LPP: variants seen among roughly 807,000 people sequenced by gnomAD.
The protein encoded by LPP is LIM domain containing preferred translocation partner in lipoma.
A neutral mutation model predicts 60.4 loss-of-function variants in LPP; 38 were observed. That is an observed-to-expected ratio of 0.63 (90% CI 0.49 to 0.83). LPP has a LOEUF of 0.83. LPP is among the 40% of genes least tolerant of loss of function. The pLI is 0.00. For missense variants in LPP, 902 were observed against 783.6 expected (o/e 1.15, Z -1.80); for synonymous variants, 328 against 290.8 (o/e 1.13, Z -1.30).
Position 188,807,495 on chromosome 3 carries a change from A to G in LPP, c.1410+47213A>G, listed in dbSNP as rs532799669. 1.1e-4 allele frequency among the ~76,000 whole-genome samples: 17 copies of G among 151,568 alleles called. No homozygotes were observed. The South Asian group carries it at 3.3e-3, about 30-fold the overall frequency. On this transcript the variant is annotated intron_variant, in intron 9 of 11. Coordinates refer to ENST00000617246, the MANE Select transcript of LPP (RefSeq NM_001375462.1). ...TCATTCTTTTATATTTTCTCTTTGG[A>G]GTTCTAACTACATACAGGCTTAATA...
chr3:188,202,718 T>C (rs933988896), intron 1 of LPP, among the ~76,000 whole-genome samples: 1 of 152,148 alleles, frequency 6.6e-6, no homozygotes, highest in Admixed American at 6.5e-5. Context: ...TTCCTTCTTT[T>C]TGGATGGGCT....
chr3:188,441,652 G>A lies in LPP; in HGVS notation c.193+35339G>A, dbSNP rs1223279629. 5.9e-4 allele frequency among the ~76,000 whole-genome samples: 43 copies of A among 72,776 alleles called. 1 individual carries two copies. In the Admixed American group the frequency reaches 8.1e-3, roughly 14 times the overall value. 47.7% of individuals were successfully genotyped at this position (72,776 alleles called of 152,430 possible). A position where few individuals can be genotyped will look rare whatever the true frequency, so the allele number is the denominator to read the frequency against. On this transcript the variant is annotated intron_variant, in intron 4 of 11. Transcript: ENST00000617246. ...TTTTTTTTTTTTGAGATGGAGTCTC[G>A]CTCTGTCGCCCAGGCTGGAGTGCAG... is the stretch of plus-strand genomic sequence containing the variant.
intron 4 of LPP, among the ~76,000 whole-genome samples, chr3:188,432,427 C>T (rs1423018173): frequency 1.3e-5 from 2 of 152,090 alleles, no homozygotes; most frequent in Non-Finnish European, 2.9e-5. Flanking sequence ...AGAAGGACTT[C>T]ATTTTTAATA....
chr3:188,460,927 G>A (rs1435221930), intron 4 of LPP, among the ~76,000 whole-genome samples: 1 of 152,160 alleles, frequency 6.6e-6, no homozygotes, highest in African/African-American at 2.4e-5. Flanking sequence ...CTCATCTGGA[G>A]AAGACCAGCC....
intron 6 of LPP, among the ~76,000 whole-genome samples, chr3:188,579,576 G>A (rs550723604): frequency 6.6e-5 from 10 of 151,720 alleles, no homozygotes; most frequent in Non-Finnish European, 1.0e-4. Flanking sequence ...AAAAGCAATC[G>A]TGTTAAAATT....
intron 9 of LPP, among the ~76,000 whole-genome samples, chr3:188,865,997 T>G (rs980836978): frequency 6.6e-6 from 1 of 152,180 alleles, no homozygotes; most frequent in African/African-American, 2.4e-5. Context: ...TTGGCCAGTT[T>G]GTTAGTTAAT....
At chr3:188,285,855 T>G (rs1489896738) in intron 2 of LPP, among the ~76,000 whole-genome samples, 3 of 152,238 alleles carry the variant, frequency 2.0e-5, no homozygotes, top group African/African-American at 7.2e-5. Context: ...GGTCTTTGTT[T>G]CTTTACCCAA....
chr3:188,595,253 T>TTTTTTTTTTTTTTTTTTTTTTTTTTTG (rs1839763326), intron 6 of LPP, among the ~76,000 whole-genome samples: 1 of 152,124 alleles, frequency 6.6e-6, no homozygotes, highest in Non-Finnish European at 1.5e-5. Context: ...TGTCCTAATT[T>TTTTTTTTTTTTTTTTTTTTTTTTTTTG]AAAATTGTGT....
chr3:188,438,804 T>G (rs1793024187), intron 4 of LPP, among the ~76,000 whole-genome samples: 1 of 152,244 alleles, frequency 6.6e-6, no homozygotes, highest in Non-Finnish European at 1.5e-5. Flanking sequence ...TTATAGTTGT[T>G]ACCTCATTTA....
chr3:188,490,560 C>T (rs977039847), intron 5 of LPP, among the ~76,000 whole-genome samples: 16 of 151,582 alleles, frequency 1.1e-4, no homozygotes, highest in Non-Finnish European at 2.2e-4. Context: ...GATGGGGTTT[C>T]GCCACACAGG....
intron 7 of LPP, among the ~76,000 whole-genome samples, chr3:188,655,047 A>T (rs1158855205): frequency 6.6e-6 from 1 of 152,232 alleles, no homozygotes; most frequent in Non-Finnish European, 1.5e-5. Context: ...ACCAGTTATT[A>T]ATCAGGTGAA....
intron 8 of LPP, 153 bp downstream of exon 8, chr3:188,708,546 GATTTGC>G: frequency 9.5e-7 from 1 of 1,052,930 alleles, no homozygotes; most frequent in Non-Finnish European, 1.4e-6. Flanking sequence ...GTAATTGTAG[GATTTGC>G]ATTTGCAAGA....
At chr3:188,307,780 C>G (rs1752005610) in intron 2 of LPP, among the ~76,000 whole-genome samples, 1 of 152,136 alleles carries the variant, frequency 6.6e-6, no homozygotes, top group Admixed American at 6.5e-5. Flanking sequence ...AAGCTCATAA[C>G]TGGGATGTTC....
At chr3:188,485,796 C>CAAAAAAAAAAAAAAAAAAAAAAAA (rs766522013) in intron 5 of LPP, among the ~76,000 whole-genome samples, 8 of 40,148 alleles carry the variant, frequency 2.0e-4, no homozygotes, top group African/African-American at 7.6e-4. Context: ...GACTCCGTCT[C>CAAAAAAAAAAAAAAAAAAAAAAAA]AAAAAAAAAA....
intron 2 of LPP, among the ~76,000 whole-genome samples, chr3:188,288,782 T>A (rs1307734232): frequency 1.3e-5 from 2 of 151,214 alleles, no homozygotes; most frequent in Non-Finnish European, 2.9e-5. Flanking sequence ...CCAAATAGCC[T>A]CTTAAAATCA....
intron 7 of LPP, among the ~76,000 whole-genome samples, chr3:188,629,652 G>A (rs1229891803): frequency 2.0e-5 from 3 of 151,934 alleles, no homozygotes; most frequent in Admixed American, 2.0e-4. Context: ...CAGTCATACT[G>A]GCCGAAGCAA....
intron 6 of LPP, 29 bp downstream of exon 6, chr3:188,524,816 C>T (rs367698340): frequency 6.2e-7 from 1 of 1,601,760 alleles, no homozygotes; most frequent in African/African-American, 1.3e-5. Flanking sequence ...CATCTCCACA[C>T]AGCCATTCCC....
At chr3:188,195,720 C>G (rs1729344283) in intron 1 of LPP, among the ~76,000 whole-genome samples, 1 of 152,138 alleles carries the variant, frequency 6.6e-6, no homozygotes, top group Admixed American at 6.5e-5. Flanking sequence ...TTCATTACTT[C>G]TTGGAATGAT....
intron 8 of LPP, among the ~76,000 whole-genome samples, chr3:188,743,143 G>T (rs1208305566): frequency 6.6e-6 from 1 of 152,092 alleles, no homozygotes; most frequent in East Asian, 1.9e-4. Flanking sequence ...TTTTCTGAGG[G>T]AAATATCTTT....
Sources: gnomAD v4.1 joint callset for allele counts (sites outside exome capture counted in the v4.1 genomes callset) on GRCh38, gnomAD v4.1.1 for gene constraint, MANE v1.5 for transcripts, NCBI Gene and HGNC (gene_info 2026-07-23, HGNC 2026-07-21) for gene names.